TMPRSS11D: variants seen among roughly 807,000 people sequenced by gnomAD.
TMPRSS11D encodes the protein transmembrane serine protease 11D.
A neutral mutation model predicts 44.4 loss-of-function variants in TMPRSS11D; 32 were observed. That is an observed-to-expected ratio of 0.72 (90% CI 0.54 to 0.97). The LOEUF is 0.97. Among genes scored for constraint, TMPRSS11D ranks in the 50% least tolerant of loss-of-function variants. The probability of loss-of-function intolerance (pLI) is 0.00; values close to 1 mark genes in which losing one functional copy is unlikely to be tolerated. For missense variants in TMPRSS11D, 446 were observed against 502.6 expected (o/e 0.89, Z 1.08); for synonymous variants, 179 against 177.9 (o/e 1.01, Z -0.05).
Position 67,833,280 on chromosome 4 carries a change from G to T in TMPRSS11D, c.616C>A (p.Leu206Ile). 1 of 1,600,238 alleles carries T rather than the reference G, an allele frequency of 6.2e-7. No homozygotes were observed. The highest frequency in any genetic ancestry group is 8.5e-7 in the Non-Finnish European group (1 of 1,173,816). ...CCTCCACAGTGGTGGGCATTATTGA[G>T]CCGCAGACTGACTTGCCACGGCCAG... is the stretch of plus-strand genomic sequence containing the variant. ...GSWPWQVSLR[L>I]NNAHHCGGSL... Residue 206 changes from leucine to isoleucine, a missense_variant, in exon 7 of 10, where the codon CTC (leucine) becomes ATC (isoleucine). Coordinates refer to ENST00000283916, the MANE Select transcript of TMPRSS11D (RefSeq NM_004262.3).
chr4:67,860,794 T>G (rs77195827), intron 1 of TMPRSS11D, among the ~76,000 whole-genome samples: 1 of 152,160 alleles, frequency 6.6e-6, no homozygotes, highest in East Asian at 1.9e-4. Flanking sequence ...GCCAACATTC[T>G]GGTATAAGTG....
At chr4:67,863,310 A>G (rs1225818299) in intron 1 of TMPRSS11D, among the ~76,000 whole-genome samples, 8 of 147,050 alleles carry the variant, frequency 5.4e-5, no homozygotes, top group East Asian at 2.0e-4. Flanking sequence ...CAAATAGAAA[A>G]CCAAAACTGG....
At chr4:67,871,730 C>T (rs1382547528) in intron 1 of TMPRSS11D, among the ~76,000 whole-genome samples, 1 of 152,056 alleles carries the variant, frequency 6.6e-6, no homozygotes, top group African/African-American at 2.4e-5. Context: ...TTCCATAATT[C>T]AGATTATGAG....
At chr4:67,857,234 T>G (rs1326066756) in intron 2 of TMPRSS11D, among the ~76,000 whole-genome samples, 1 of 149,528 alleles carries the variant, frequency 6.7e-6, no homozygotes, top group Non-Finnish European at 1.5e-5. Context: ...AATCAACCTA[T>G]GTGTCCATCA....
At chr4:67,831,216 T>C (rs1161859002) in intron 7 of TMPRSS11D, among the ~76,000 whole-genome samples, 1 of 151,840 alleles carries the variant, frequency 6.6e-6, no homozygotes, top group Admixed American at 6.6e-5. Context: ...GGAAAGAGAG[T>C]ATCAGGGAAA....
intron 1 of TMPRSS11D, among the ~76,000 whole-genome samples, chr4:67,862,089 C>T (rs977945530): frequency 6.6e-6 from 1 of 152,042 alleles, no homozygotes; most frequent in African/African-American, 2.4e-5. Flanking sequence ...TCTATTGTGA[C>T]CCATTTACCC....
chr4:67,879,406 G>A (rs1328570138), intron 1 of TMPRSS11D, among the ~76,000 whole-genome samples: 4 of 151,118 alleles, frequency 2.6e-5, no homozygotes, highest in Admixed American at 1.3e-4. Context: ...GCATGAACCC[G>A]GGAGGCAGAG....
chr4:67,848,052 T>C (rs1025301619), intron 3 of TMPRSS11D, among the ~76,000 whole-genome samples: 1 of 152,224 alleles, frequency 6.6e-6, no homozygotes, highest in Non-Finnish European at 1.5e-5. Flanking sequence ...TTACCCGAAA[T>C]CCCTGATGGT....
At chr4:67,857,005 A>G (rs972461692) in intron 2 of TMPRSS11D, among the ~76,000 whole-genome samples, 1 of 152,106 alleles carries the variant, frequency 6.6e-6, no homozygotes, top group Non-Finnish European at 1.5e-5. Context: ...GAGAGTGCAG[A>G]GAGAAGAGAA....
At chr4:67,861,526 A>G (rs773413158) in intron 1 of TMPRSS11D, among the ~76,000 whole-genome samples, 2 of 152,114 alleles carry the variant, frequency 1.3e-5, no homozygotes, top group Non-Finnish European at 2.9e-5. Context: ...TTGTTTCCAG[A>G]GATGAGCTGA....
chr4:67,854,503 A>C (rs1718587212), intron 2 of TMPRSS11D, among the ~76,000 whole-genome samples: 1 of 152,146 alleles, frequency 6.6e-6, no homozygotes. Flanking sequence ...TCATTCAGGA[A>C]ATATTAATGT....
intron 4 of TMPRSS11D, among the ~76,000 whole-genome samples, chr4:67,840,617 C>G (rs6835217): frequency 0.72 from 109,183 of 152,108 alleles, 41,344 homozygotes; most frequent in Middle Eastern, 0.83. Context: ...ACAACAGAGT[C>G]ACTATGGTCA....
At chr4:67,865,844 A>G (rs1323483017) in intron 1 of TMPRSS11D, among the ~76,000 whole-genome samples, 7 of 151,382 alleles carry the variant, frequency 4.6e-5, no homozygotes, top group African/African-American at 1.7e-4. Context: ...ATTGAATAAG[A>G]AAAAAAACAT....
At chr4:67,883,848 C>G in intron 1 of TMPRSS11D, 78 bp downstream of exon 1, 2 of 1,266,536 alleles carry the variant, frequency 1.6e-6, no homozygotes, top group Non-Finnish European at 1.1e-6. Context: ...TCAAAATTTG[C>G]TAAGCTTCTT....
At chr4:67,856,617 C>G (rs1265503662) in intron 2 of TMPRSS11D, among the ~76,000 whole-genome samples, 3 of 151,716 alleles carry the variant, frequency 2.0e-5, no homozygotes, top group Admixed American at 6.6e-5. Context: ...ACAACAAAAC[C>G]AAAAATAGAC....
intron 1 of TMPRSS11D, among the ~76,000 whole-genome samples, chr4:67,879,538 C>T (rs1719272804): frequency 6.7e-6 from 1 of 148,792 alleles, no homozygotes; most frequent in African/African-American, 2.5e-5. Flanking sequence ...AATCTAGTAA[C>T]AGAAACTGAG....
At chr4:67,881,178 C>G (rs900373336) in intron 1 of TMPRSS11D, among the ~76,000 whole-genome samples, 2 of 152,156 alleles carry the variant, frequency 1.3e-5, no homozygotes, top group Non-Finnish European at 2.9e-5. Flanking sequence ...GGTTCCCTTA[C>G]AGCAGTAAAT....
intron 6 of TMPRSS11D, among the ~76,000 whole-genome samples, chr4:67,834,729 A>C (rs531175248): frequency 6.6e-6 from 1 of 152,180 alleles, no homozygotes; most frequent in Non-Finnish European, 1.5e-5. Flanking sequence ...GAGAAGCTAC[A>C]TAAACGGTGT....
intron 1 of TMPRSS11D, among the ~76,000 whole-genome samples, chr4:67,882,244 T>A (rs965458800): frequency 6.6e-6 from 1 of 152,206 alleles, no homozygotes; most frequent in South Asian, 2.1e-4. Flanking sequence ...AAGATTTATC[T>A]AAAATTATGC....
Sources: gnomAD v4.1 joint callset for allele counts (sites outside exome capture counted in the v4.1 genomes callset) on GRCh38, gnomAD v4.1.1 for gene constraint, MANE v1.5 for transcripts, NCBI Gene and HGNC (gene_info 2026-07-23, HGNC 2026-07-21) for gene names.